FSTL5: variants seen among roughly 807,000 people sequenced by gnomAD.
FSTL5 encodes follistatin-related protein 5.
A neutral mutation model predicts 89.1 loss-of-function variants in FSTL5; 62 were observed. The ratio of observed to expected loss-of-function variants is 0.70; its 90% CI spans 0.57 to 0.86. The LOEUF (loss-of-function observed/expected upper bound fraction) is 0.86, where lower values mean the gene tolerates loss of function less well. Among genes scored for constraint, FSTL5 ranks in the 40% least tolerant of loss-of-function variants. The pLI, the probability that FSTL5 is intolerant of heterozygous loss-of-function variation, is 0.00. For missense variants in FSTL5, 1,057 were observed against 1,001.6 expected (o/e 1.06, Z -0.75); for synonymous variants, 383 against 346.2 (o/e 1.11, Z -1.18).
At chr4:161,603,732 A>C (rs1023970079) in intron 7 of FSTL5, among the ~76,000 whole-genome samples, 1 of 152,232 alleles carries the variant, frequency 6.6e-6, no homozygotes, top group Non-Finnish European at 1.5e-5. Flanking sequence ...CAGAGAATCC[A>C]GAATCATGTT....
At chr4:161,992,641 G>T (rs1179776329) in intron 3 of FSTL5, among the ~76,000 whole-genome samples, 1 of 151,420 alleles carries the variant, frequency 6.6e-6, no homozygotes, top group East Asian at 2.0e-4. Context: ...TCAGGAGTTT[G>T]AGACCAGCCT....
intron 3 of FSTL5, among the ~76,000 whole-genome samples, chr4:161,996,808 A>G (rs1736309210): frequency 1.3e-5 from 2 of 152,250 alleles, no homozygotes; most frequent in African/African-American, 4.8e-5. Flanking sequence ...TTTGGTTACA[A>G]ATAAGGAATC....
At chr4:161,568,196 T>C (rs143419202) in intron 8 of FSTL5, among the ~76,000 whole-genome samples, 22 of 152,234 alleles carry the variant, frequency 1.4e-4, no homozygotes, top group Admixed American at 1.4e-3. Context: ...TTGTCCTTTA[T>C]GTCAATCACT....
At chr4:161,450,977 C>T (rs1241130781) in intron 15 of FSTL5, among the ~76,000 whole-genome samples, 1 of 152,060 alleles carries the variant, frequency 6.6e-6, no homozygotes, top group Non-Finnish European at 1.5e-5. Context: ...ATCTCCTGAC[C>T]TCGTGATCTG....
chr4:161,980,254 G>C (rs566389081), intron 3 of FSTL5, among the ~76,000 whole-genome samples: 1 of 65,536 alleles, frequency 1.5e-5, no homozygotes, highest in Non-Finnish European at 3.1e-5. Context: ...GAAGAAGGAA[G>C]AAAGAAAAAA....
At chr4:161,393,400 G>A (rs1338410953) in intron 15 of FSTL5, among the ~76,000 whole-genome samples, 4 of 151,676 alleles carry the variant, frequency 2.6e-5, no homozygotes, top group Non-Finnish European at 5.9e-5. Context: ...GAAAATAAAT[G>A]GTCTTTATCC....
chr4:161,786,511 T>G (rs1741909100), intron 4 of FSTL5, among the ~76,000 whole-genome samples: 2 of 152,058 alleles, frequency 1.3e-5, no homozygotes, highest in African/African-American at 4.8e-5. Flanking sequence ...CCTATGAGAG[T>G]TCTTATTTCA....
In FSTL5 at chr4:161,889,435, G is replaced by T. The variant is rs142530787; in HGVS notation, c.409+30969C>A. On this transcript the variant is annotated intron_variant, in intron 4 of 15. Transcript: ENST00000306100. ...TGGTTGGGCAAATCACCTGAGGTCAGGAGTTCGAGACCAGCCTGGCCAACA... is the reference window on the plus strand; with the variant it reads ...TGGTTGGGCAAATCACCTGAGGTCATGAGTTCGAGACCAGCCTGGCCAACA... Among the ~76,000 whole-genome samples the T allele has an allele frequency of 5.9e-5, 9 of 152,210 alleles. No individual in the cohort carries two copies. In the East Asian group the frequency reaches 1.7e-3, roughly 30 times the overall value.
At chr4:161,721,965 A>C (rs1313896905) in intron 6 of FSTL5, among the ~76,000 whole-genome samples, 1 of 152,202 alleles carries the variant, frequency 6.6e-6, no homozygotes, top group Non-Finnish European at 1.5e-5. Context: ...AAAATGACAC[A>C]AAGGCTATCT....
rs78817435 is a variant in FSTL5, at chr4:161,414,285, A to G, written c.1842-27836T>C. ...TCTCTGTCTTGTGGCACATTTGAAT[A>G]GTAGTTTTACCACATCTTCAATCCA... On this transcript the variant is annotated intron_variant, in intron 15 of 15. Coordinates refer to ENST00000306100, the MANE Select transcript of FSTL5 (RefSeq NM_020116.5). Among the ~76,000 whole-genome samples the G allele has an allele frequency of 5.5e-3, 838 of 152,304 alleles. 6 individuals are homozygous for G. Among genetic ancestry groups the G allele is most frequent in the African/African-American group, 0.018 (749 of 41,570 alleles).
chr4:161,589,140 C>A (rs1326021444), intron 7 of FSTL5, among the ~76,000 whole-genome samples: 2 of 149,736 alleles, frequency 1.3e-5, no homozygotes, highest in African/African-American at 4.9e-5. Context: ...AGGAGCACTC[C>A]ATCACACCCA....
intron 3 of FSTL5, among the ~76,000 whole-genome samples, chr4:161,941,476 C>G (rs569141684): frequency 2.6e-5 from 4 of 151,710 alleles, no homozygotes; most frequent in Non-Finnish European, 5.9e-5. Context: ...TAAGCAATAA[C>G]CAAAAGAGAG....
At chr4:161,581,202 T>A (rs1269596970) in intron 8 of FSTL5, among the ~76,000 whole-genome samples, 1 of 152,220 alleles carries the variant, frequency 6.6e-6, no homozygotes, top group Non-Finnish European at 1.5e-5. Flanking sequence ...AGAACACACA[T>A]TGTTCTATGC....
intron 4 of FSTL5, among the ~76,000 whole-genome samples, chr4:161,900,876 T>A (rs1009638555): frequency 1.3e-5 from 2 of 152,092 alleles, no homozygotes; most frequent in African/African-American, 4.8e-5. Context: ...TTACAATAGT[T>A]AAACATGTTT....
chr4:161,641,489 G>C (rs536712177), intron 7 of FSTL5, among the ~76,000 whole-genome samples: 36 of 151,346 alleles, frequency 2.4e-4, no homozygotes, highest in Admixed American at 8.6e-4. Flanking sequence ...CCAAATTAGA[G>C]GGTTTTTTTG....
intron 1 of FSTL5, among the ~76,000 whole-genome samples, chr4:162,143,521 C>T (rs1271330956): frequency 1.3e-5 from 2 of 152,056 alleles, no homozygotes; most frequent in Non-Finnish European, 1.5e-5. Context: ...ATAAAATTAG[C>T]ATCATTATCA....
At position 161,394,624 on chromosome 4, in the gene FSTL5, A is replaced by G. The variant is rs140339127; in HGVS notation, c.1842-8175T>C. 3.9e-5 allele frequency among the ~76,000 whole-genome samples: 6 copies of G among 152,342 alleles called. No homozygotes were observed. The East Asian group carries it at 1.2e-3, about 29-fold the overall frequency. On this transcript the variant is annotated intron_variant, in intron 15 of 15. Coordinates refer to ENST00000306100, the MANE Select transcript of FSTL5 (RefSeq NM_020116.5). Reference sequence around the variant, plus strand: ...GTAGTAAAGGTTACACATATGATCAATACTAGTTAATGTATTATTATTTTC... The same window carrying G: ...GTAGTAAAGGTTACACATATGATCAGTACTAGTTAATGTATTATTATTTTC...
intron 3 of FSTL5, among the ~76,000 whole-genome samples, chr4:161,989,147 G>C (rs1201559322): frequency 6.6e-6 from 1 of 152,112 alleles, no homozygotes; most frequent in Non-Finnish European, 1.5e-5. Context: ...GTCTCTGCCA[G>C]AACAATAAAA....
At chr4:161,964,028 A>G (rs1245187871) in intron 3 of FSTL5, among the ~76,000 whole-genome samples, 1 of 151,990 alleles carries the variant, frequency 6.6e-6, no homozygotes, top group East Asian at 1.9e-4. Flanking sequence ...ATTTTAAGTA[A>G]TACCCTTTTT....
Sources: allele counts gnomAD v4.1 joint callset (sites outside exome capture counted in the v4.1 genomes callset), GRCh38; gene constraint gnomAD v4.1.1; transcripts MANE v1.5; gene names NCBI Gene and HGNC (gene_info 2026-07-23, HGNC 2026-07-21).